Variants in POLR1C observed in about 807,000 individuals in gnomAD.
POLR1C encodes RNA polymerase I and III subunit C.
Under a neutral mutation model 38.3 loss-of-function variants are expected in POLR1C, and 42 were observed. The ratio of observed to expected loss-of-function variants is 1.10; its 90% CI spans 0.86 to 1.42. POLR1C has a LOEUF of 1.42. Ranked by LOEUF, POLR1C falls within the 40% of genes most tolerant of loss-of-function variation. The probability of loss-of-function intolerance (pLI) is 0.00; values close to 1 mark genes in which losing one functional copy is unlikely to be tolerated. For synonymous variants in POLR1C, 163 were observed against 163.9 expected (o/e 0.99, Z 0.04); for missense variants, 507 against 450.5 (o/e 1.13, Z -1.14).
In POLR1C at chr6:43,560,311, GA is replaced by G. The variant is rs771450577; in HGVS notation, c.*49-1079del. 1,322 of 1,409,584 alleles carry G rather than the reference GA, an allele frequency of 9.4e-4. 4 individuals carry two copies. Among genetic ancestry groups the G allele is most frequent in the South Asian group, 7.1e-3 (498 of 70,170 alleles). The allele number at this position is 1,409,584 out of a possible 1,614,324, so 87.3% of individuals were successfully genotyped here. On this transcript the variant is annotated intron_variant, in intron 10 of 10. Transcript: ENST00000607635. The stretch of plus-strand genomic sequence containing the variant: ...AGTTGAAGAGCGTAGAAACTAAAGA[GA>G]AAAAAAAAAGAAAACGTCAAAGGAT...
chr6:43,540,173 T>C (rs1420073058), intron 9 of POLR1C, among the ~76,000 whole-genome samples: 1 of 152,132 alleles, frequency 6.6e-6, no homozygotes, highest in Non-Finnish European at 1.5e-5. Flanking sequence ...GGGGATCACC[T>C]GAGGTCAGGA....
intron 9 of POLR1C, among the ~76,000 whole-genome samples, chr6:43,549,302 G>C (rs1426711227): frequency 6.6e-6 from 1 of 152,280 alleles, no homozygotes; most frequent in East Asian, 1.9e-4. Flanking sequence ...GGCCTCAGGT[G>C]ATCTACCCAC....
intron 9 of POLR1C, chr6:43,550,022 C>A: frequency 7.4e-7 from 1 of 1,357,130 alleles, no homozygotes; most frequent in East Asian, 2.4e-5. Flanking sequence ...ACTTGAATTC[C>A]TGGGCTCAAC....
At chr6:43,546,712 C>T (rs748684361) in intron 9 of POLR1C, 5 of 1,611,626 alleles carry the variant, frequency 3.1e-6, no homozygotes, top group Non-Finnish European at 4.2e-6. Context: ...CCAGCAAGTT[C>T]GTTTCACCAC....
At chr6:43,556,727 T>C (rs1008488588) in intron 10 of POLR1C, among the ~76,000 whole-genome samples, 2 of 152,130 alleles carry the variant, frequency 1.3e-5, no homozygotes, top group African/African-American at 4.8e-5. Context: ...TAAATGTTCA[T>C]AGCAGCATTA....
At chr6:43,527,224 G>A (rs1793651678) in intron 8 of POLR1C, 1 of 205,324 alleles carries the variant, frequency 4.9e-6, no homozygotes. Flanking sequence ...CTTAAGGACT[G>A]CCTTGCTTCT....
At position 43,552,964 on chromosome 6, in the gene POLR1C, CTCTAAA is replaced by C. The variant is rs138947359; in HGVS notation, c.*48+1957_*48+1962del. Among the ~76,000 whole-genome samples the C allele has an allele frequency of 6.5e-3, 988 of 152,286 alleles. 10 individuals carry two copies. Among genetic ancestry groups the C allele is most frequent in the African/African-American group, 0.022 (906 of 41,562 alleles). On this transcript the variant is annotated intron_variant, in intron 10 of 10. Coordinates refer to the POLR1C transcript ENST00000607635. ...TGAACTTGAGTATGCTATTTAGCCT[CTCTAAA>C]TCTGTTTCCTCTTCTGTAAGATGTA...
chr6:43,560,800 C>CTAG (rs1554135993), intron 10 of POLR1C: 2 of 801,814 alleles, frequency 2.5e-6, no homozygotes, highest in Non-Finnish European at 4.2e-6. Context: ...AATGACACTA[C>CTAG]GGTCATTCCC....
chr6:43,527,817 A>G, intron 8 of POLR1C: 1 of 1,426,204 alleles, frequency 7.0e-7, no homozygotes, highest in East Asian at 2.3e-5. Context: ...ACTCTCTCTG[A>G]CCACTTTCTT....
intron 1 of POLR1C, 47 bp from the exon 2 acceptor site, chr6:43,517,247 CGTGGGGATAGCT>C: frequency 1.9e-6 from 3 of 1,605,348 alleles, no homozygotes; most frequent in Non-Finnish European, 2.6e-6. Context: ...TTGGGATTGG[CGTGGGGATAGCT>C]GTGGGCTCAC....
At chr6:43,526,205 A>G (rs1582192976), downstream of POLR1C, 2 of 452,798 alleles carry the variant, frequency 4.4e-6, no homozygotes, top group East Asian at 7.9e-5. Flanking sequence ...TTTGAGCACC[A>G]GACACTGATT....
At chr6:43,552,649 G>A (rs765079392) in intron 10 of POLR1C, among the ~76,000 whole-genome samples, 4 of 152,118 alleles carry the variant, frequency 2.6e-5, no homozygotes, top group East Asian at 1.9e-4. Context: ...TACTGCGCCC[G>A]GCTTATCAGC....
At chr6:43,528,296 T>A in intron 8 of POLR1C, 1 of 1,336,946 alleles carries the variant, frequency 7.5e-7, no homozygotes, top group East Asian at 2.5e-5. Flanking sequence ...TGATTAAAAT[T>A]AGCCAAGGAT....
chr6:43,525,320 T>A (rs1280461288), downstream of POLR1C: 6 of 1,075,646 alleles, frequency 5.6e-6, no homozygotes, highest in Non-Finnish European at 7.9e-6. Flanking sequence ...CCTCCCCCCC[T>A]CTAAAGATGG....
At chr6:43,541,402 C>T (rs753818276) in intron 9 of POLR1C, among the ~76,000 whole-genome samples, 3 of 152,050 alleles carry the variant, frequency 2.0e-5, no homozygotes, top group Non-Finnish European at 4.4e-5. Context: ...GTACTGTGTA[C>T]CCACAAAACT....
chr6:43,539,727 CT>C (rs1794583867), intron 9 of POLR1C: 2 of 622,582 alleles, frequency 3.2e-6, no homozygotes, highest in South Asian at 3.9e-5. Context: ...GGAGAAGAAG[CT>C]ACATTTTTCT....
intron 9 of POLR1C, among the ~76,000 whole-genome samples, chr6:43,535,241 C>T (rs1284282817): frequency 6.6e-6 from 1 of 151,578 alleles, no homozygotes; most frequent in Non-Finnish European, 1.5e-5. Context: ...GCCTGGGCAA[C>T]AGAGCGAGAC....
At chr6:43,541,781 C>CT (rs1554134075) in intron 9 of POLR1C, among the ~76,000 whole-genome samples, 1 of 152,150 alleles carries the variant, frequency 6.6e-6, no homozygotes, top group Non-Finnish European at 1.5e-5. Flanking sequence ...TCCAATACTT[C>CT]TTTTTTTCTT....
downstream of POLR1C, chr6:43,525,665 A>G (rs1162696960): frequency 1.6e-6 from 1 of 633,566 alleles, no homozygotes; most frequent in African/African-American, 1.8e-5. Flanking sequence ...GGTATGGGAG[A>G]CACCATGGCA....
Sources: gnomAD v4.1 joint callset for allele counts (sites outside exome capture counted in the v4.1 genomes callset) on GRCh38, gnomAD v4.1.1 for gene constraint, MANE v1.5 for transcripts, NCBI Gene and HGNC (gene_info 2026-07-23, HGNC 2026-07-21) for gene names.